The following PPARG variants were observed in gnomAD, a reference collection of about 807,000 sequenced individuals.
The protein encoded by PPARG is peroxisome proliferator activated receptor gamma, also known as peroxisome proliferator-activated receptor gamma.
A neutral mutation model predicts 39.2 loss-of-function variants in PPARG; 17 were observed. That is an observed-to-expected ratio of 0.43 (90% CI 0.30 to 0.65). The LOEUF is 0.65. Ranked by LOEUF, PPARG falls within the 30% of genes least tolerant of loss-of-function variation. PPARG has a pLI of 0.13. For missense variants in PPARG, 406 were observed against 585.9 expected (o/e 0.69, Z 3.17); for synonymous variants, 223 against 215.7 (o/e 1.03, Z -0.30).
At chr3:12,401,886 C>T (rs575792135) in intron 5 of PPARG, among the ~76,000 whole-genome samples, 12 of 152,214 alleles carry the variant, frequency 7.9e-5, no homozygotes, top group South Asian at 4.1e-4. Flanking sequence ...TACAAAAATA[C>T]GTTTTAGTGA....
intron 5 of PPARG, among the ~76,000 whole-genome samples, chr3:12,402,855 C>T (rs2050525119): frequency 6.6e-6 from 1 of 152,158 alleles, no homozygotes; most frequent in Non-Finnish European, 1.5e-5. Flanking sequence ...CTCCAGGACC[C>T]ACTCAGATAC....
chr3:12,417,387 A>T (rs562528922), intron 7 of PPARG, among the ~76,000 whole-genome samples: 16 of 151,844 alleles, frequency 1.1e-4, no homozygotes, highest in South Asian at 8.3e-4. Flanking sequence ...TCAACAATAT[A>T]TTTTTTCCAG....
chr3:12,427,342 C>T (rs960531001), intron 7 of PPARG, among the ~76,000 whole-genome samples: 6 of 152,232 alleles, frequency 3.9e-5, no homozygotes, highest in Admixed American at 2.6e-4. Flanking sequence ...ACTACAGGAA[C>T]GAGAACTTGC....
At chr3:12,331,760 T>A (rs898737881) in intron 2 of PPARG, among the ~76,000 whole-genome samples, 2 of 152,226 alleles carry the variant, frequency 1.3e-5, no homozygotes, top group African/African-American at 4.8e-5. Context: ...GATGGGGATG[T>A]CTGGGCCTTC....
At chr3:12,367,138 A>G (rs1027009651) in intron 2 of PPARG, among the ~76,000 whole-genome samples, 47 of 152,126 alleles carry the variant, frequency 3.1e-4, no homozygotes, top group African/African-American at 1.1e-3. Context: ...CTTTCAAGGA[A>G]TGAGTTCATT....
intron 4 of PPARG, among the ~76,000 whole-genome samples, chr3:12,384,849 C>A (rs144076475): frequency 6.6e-6 from 1 of 152,232 alleles, no homozygotes; most frequent in East Asian, 1.9e-4. Context: ...ATAATAATTT[C>A]TCAGTTGTAA....
At chr3:12,295,512 A>G (rs906672802) in intron 1 of PPARG, among the ~76,000 whole-genome samples, 5 of 115,308 alleles carry the variant, frequency 4.3e-5, no homozygotes, top group African/African-American at 2.1e-4. Flanking sequence ...GTTCAAAAAA[A>G]AATTTTTTTT....
intron 1 of PPARG, among the ~76,000 whole-genome samples, chr3:12,293,915 T>A (rs1040636091): frequency 3.3e-5 from 5 of 152,242 alleles, no homozygotes; most frequent in Admixed American, 2.6e-4. Context: ...TTAAAATGTC[T>A]TTGAATTTGA....
At chr3:12,364,183 C>T (rs2048941364) in intron 2 of PPARG, among the ~76,000 whole-genome samples, 1 of 152,164 alleles carries the variant, frequency 6.6e-6, no homozygotes, top group African/African-American at 2.4e-5. Flanking sequence ...TTTTCACTGA[C>T]CTAAAAATCC....
At chr3:12,295,661 C>G (rs893453458) in intron 1 of PPARG, among the ~76,000 whole-genome samples, 8 of 151,738 alleles carry the variant, frequency 5.3e-5, no homozygotes, top group Non-Finnish European at 1.0e-4. Flanking sequence ...TTACAGGCGC[C>G]CACCACCACA....
chr3:12,356,271 C>T (rs2048662941), intron 2 of PPARG, among the ~76,000 whole-genome samples: 1 of 152,080 alleles, frequency 6.6e-6, no homozygotes, highest in Non-Finnish European at 1.5e-5. Context: ...AGCAGTTTTG[C>T]ACCTGTAACT....
At chr3:12,414,553 T>G (rs1476159191) in intron 6 of PPARG, among the ~76,000 whole-genome samples, 1 of 152,188 alleles carries the variant, frequency 6.6e-6, no homozygotes, top group East Asian at 1.9e-4. Context: ...GAAACACGTT[T>G]TCTCTAGGTT....
At chr3:12,381,673 G>A (rs2049667718) in intron 4 of PPARG, among the ~76,000 whole-genome samples, 182 bp downstream of exon 4, 1 of 152,084 alleles carries the variant, frequency 6.6e-6, no homozygotes, top group Non-Finnish European at 1.5e-5. Flanking sequence ...GAGCTTCTGG[G>A]CTCAAGTGAT....
chr3:12,388,658 T>G (rs972726358), intron 4 of PPARG, among the ~76,000 whole-genome samples: 1 of 152,194 alleles, frequency 6.6e-6, no homozygotes, highest in Non-Finnish European at 1.5e-5. Context: ...CCATCTTGAA[T>G]GACATTCATC....
At chr3:12,415,181 G>A (rs532042708) in intron 6 of PPARG, among the ~76,000 whole-genome samples, 6 of 152,184 alleles carry the variant, frequency 3.9e-5, no homozygotes, top group South Asian at 4.2e-4. Flanking sequence ...CATGTTTGTC[G>A]TGCATGCACA....
At chr3:12,324,599 T>C (rs949025395) in intron 2 of PPARG, among the ~76,000 whole-genome samples, 2 of 152,162 alleles carry the variant, frequency 1.3e-5, no homozygotes, top group Admixed American at 1.3e-4. Flanking sequence ...AAACTGATCT[T>C]TTAGGACCAT....
intron 1 of PPARG, among the ~76,000 whole-genome samples, chr3:12,291,982 A>G (rs2046660041): frequency 1.3e-5 from 2 of 152,204 alleles, no homozygotes; most frequent in African/African-American, 4.8e-5. Flanking sequence ...CCTGAATTTA[A>G]TTGAGCTGAT....
chr3:12,299,800 T>A (rs2046882876), intron 1 of PPARG, among the ~76,000 whole-genome samples: 2 of 152,154 alleles, frequency 1.3e-5, no homozygotes, highest in Non-Finnish European at 2.9e-5. Context: ...AAAACTTTTT[T>A]TCTTGGGAGA....
chr3:12,321,176 A>T (rs964742137), intron 2 of PPARG, among the ~76,000 whole-genome samples: 3 of 152,166 alleles, frequency 2.0e-5, no homozygotes, highest in Non-Finnish European at 4.4e-5. Context: ...TCTGTGTCCG[A>T]TGGCGTGGAC....
Sources: allele counts gnomAD v4.1 joint callset (sites outside exome capture counted in the v4.1 genomes callset), GRCh38; gene constraint gnomAD v4.1.1; transcripts MANE v1.5; gene names NCBI Gene and HGNC (gene_info 2026-07-23, HGNC 2026-07-21).